CLCN7: variants seen among roughly 807,000 people sequenced by gnomAD.
CLCN7 encodes Cl-/H+ antiporter 7, also known as H(+)/Cl(-) exchange transporter 7.
CLCN7 carries 60 observed loss-of-function variants against 102.1 expected under a neutral mutation model. That is an observed-to-expected ratio of 0.59 (90% CI 0.48 to 0.73). The LOEUF is 0.73. Among genes scored for constraint, CLCN7 ranks in the 30% least tolerant of loss-of-function variants. The pLI is 0.00. For missense variants in CLCN7, 962 were observed against 1,125.7 expected (o/e 0.85, Z 2.08); for synonymous variants, 560 against 490.5 (o/e 1.14, Z -1.87).
At chr16:1,463,009 T>C (rs1191537180) in intron 2 of CLCN7, among the ~76,000 whole-genome samples, 1 of 151,980 alleles carries the variant, frequency 6.6e-6, no homozygotes, top group East Asian at 1.9e-4. Flanking sequence ...AAATATTAGC[T>C]GAGTATGGTG....
rs1450391532 is a variant in CLCN7 at position 1,459,463 on chromosome 16, C to A, written c.595-276G>T. ...CATCAGGGAAGGGGAGAGCAGCACACGCGTCGGGGCCTCAGGGAAGGGGAG... is the reference window on the plus strand; with the variant it reads ...CATCAGGGAAGGGGAGAGCAGCACAAGCGTCGGGGCCTCAGGGAAGGGGAG... On this transcript the variant is annotated intron_variant, in intron 6 of 24. Coordinates refer to ENST00000382745, the MANE Select transcript of CLCN7 (RefSeq NM_001287.6). 7.1e-6 allele frequency: 3 copies of A among 422,796 alleles called. 1 individual carries two copies. Among genetic ancestry groups the A allele is most frequent in the Non-Finnish European group, 1.3e-5 (3 of 230,492 alleles). The allele number at this position is 422,796 out of a possible 1,614,324, so 26.2% of individuals were successfully genotyped here.
At position 1,460,509 on chromosome 16, in the gene CLCN7, T is replaced by A. The variant is rs756849986; in HGVS notation, c.503A>T (p.Glu168Val). 8 of 1,613,396 alleles carry A rather than the reference T, an allele frequency of 5.0e-6. No homozygotes were observed. The highest frequency in any genetic ancestry group is 1.6e-4 in the Middle Eastern group (1 of 6,082). Residue 168 changes from glutamate to valine, a missense_variant, in exon 6 of 25, where the codon GAG becomes GTG. Coordinates refer to ENST00000382745, the MANE Select transcript of CLCN7 (RefSeq NM_001287.6). ...VIKGNIDKFT[E>V]KGGLSFSLLL... The stretch of plus-strand genomic sequence containing the variant: ...CAGGGAGAAGGACAGTCCGCCCTTC[T>A]CTGTGAACTTGTCGATATCTGGGGC...
At chr16:1,465,210 A>G in intron 2 of CLCN7, 57 bp downstream of exon 2, 2 of 1,544,418 alleles carry the variant, frequency 1.3e-6, no homozygotes, top group Non-Finnish European at 1.8e-6. Flanking sequence ...CATCCCTGTC[A>G]CCCTCTGCTA....
At chr16:1,454,303 T>C in intron 13 of CLCN7, 108 bp downstream of exon 13, 2 of 1,182,054 alleles carry the variant, frequency 1.7e-6, no homozygotes, top group Non-Finnish European at 2.5e-6. Context: ...GGCCCTGGGA[T>C]GAGGGCAGGC....
intron 2 of CLCN7, among the ~76,000 whole-genome samples, chr16:1,463,697 T>A (rs1172930757): frequency 6.6e-6 from 1 of 151,798 alleles, no homozygotes; most frequent in Non-Finnish European, 1.5e-5. Flanking sequence ...TTGTCTAGGC[T>A]GATCTCCAAA....
At position 1,450,638 on chromosome 16, in the gene CLCN7, C is replaced by G; in HGVS notation, c.1476G>C (p.Leu492=). 6.2e-7 allele frequency: 1 copy of G among 1,612,382 alleles called. No individual in the cohort carries two copies. The highest frequency in any genetic ancestry group is 1.1e-5 in the South Asian group (1 of 90,936). The change falls in exon 17 of 25, where the codon CTG becomes CTC. Residue 492 remains leucine, a synonymous_variant. Coordinates refer to ENST00000382745, the MANE Select transcript of CLCN7 (RefSeq NM_001287.6). ...PGSYNPLTLG[L]FTLVYFFLAC... ...CCAGGAAGAAGTAGACCAGCGTGAA[C>G]AGGCCGAGGGTCAGGGGGTTGTAGG...
intron 2 of CLCN7, among the ~76,000 whole-genome samples, chr16:1,464,692 G>T (rs2038981137): frequency 6.6e-6 from 1 of 152,210 alleles, no homozygotes; most frequent in African/African-American, 2.4e-5. Flanking sequence ...CCGGGGTGTT[G>T]CCAACATCAG....
chr16:1,457,628 C>A lies in CLCN7; in HGVS notation c.738+66G>T, dbSNP rs116970554. 1.3e-6 allele frequency: 2 copies of A among 1,490,056 alleles called. No homozygotes were observed. The highest frequency in any genetic ancestry group is 1.1e-5 in the South Asian group (1 of 88,530). 92.3% of individuals were successfully genotyped at this position (1,490,056 alleles called of 1,614,324 possible). A position where few individuals can be genotyped will look rare whatever the true frequency, so the allele number is the denominator to read the frequency against. On this transcript the variant is annotated intron_variant, in intron 8 of 24. Coordinates refer to ENST00000382745, the MANE Select transcript of CLCN7 (RefSeq NM_001287.6). The surrounding 1 kb of genome is among the most constrained non-coding windows in gnomAD (Gnocchi z 5.4). ...ACCGGTGCTCAGAGACACACATGGG[C>A]GTGGCGGCCCTCGCGGGCCCGGCGG...
At chr16:1,450,180 G>A in intron 17 of CLCN7, 1 of 427,200 alleles carries the variant, frequency 2.3e-6, no homozygotes, top group Non-Finnish European at 4.4e-6. Flanking sequence ...ACCCCATGGA[G>A]TCTAGAAACA....
intron 1 of CLCN7, among the ~76,000 whole-genome samples, chr16:1,468,736 C>G (rs74586438): frequency 1.6e-5 from 2 of 127,996 alleles, no homozygotes; most frequent in Non-Finnish European, 3.5e-5. Context: ...CCTGCACCCC[C>G]TTCCTGGTGC....
In CLCN7 at chr16:1,474,977, C is replaced by A; in HGVS notation, c.-3G>T. On this transcript the variant is annotated 5_prime_UTR_variant, in exon 1 of 25. Transcript: ENST00000382745. Reference sequence around the variant, plus strand: ...ACCTTCTTAGAGACGTTGGCCATGGCCCGCCGCGGAGCGACACCGGCCGGG... The same window carrying A: ...ACCTTCTTAGAGACGTTGGCCATGGACCGCCGCGGAGCGACACCGGCCGGG... 2 of 1,479,344 alleles carry A rather than the reference C, an allele frequency of 1.4e-6. No individual in the cohort carries two copies. Among genetic ancestry groups the A allele is most frequent in the Non-Finnish European group, 1.8e-6 (2 of 1,118,216 alleles). The allele number at this position is 1,479,344 out of a possible 1,614,324, so 91.6% of individuals were successfully genotyped here.
rs192354404 is a variant in CLCN7, at chr16:1,451,135, G to T, written c.1448-469C>A. ...GAAAGGCCGGCACTCCAAGGTCGCG[G>T]TCTGCGCTTCCGTGAAACACTTGTG... On this transcript the variant is annotated intron_variant, in intron 16 of 24. Coordinates refer to ENST00000382745, the MANE Select transcript of CLCN7 (RefSeq NM_001287.6). Among the ~76,000 whole-genome samples, 486 of 152,384 alleles carry T rather than the reference G, an allele frequency of 3.2e-3. 8 individuals are homozygous for T. Among genetic ancestry groups the T allele is most frequent in the Admixed American group, 0.016 (238 of 15,312 alleles).
chr16:1,460,846 C>A lies in CLCN7; in HGVS notation c.454G>T (p.Ala152Ser). 6.2e-7 allele frequency: 1 copy of A among 1,614,080 alleles called. No homozygotes were observed. The highest frequency in any genetic ancestry group is 8.5e-7 in the Non-Finnish European group (1 of 1,179,966). Residue 152 changes from alanine to serine, a missense_variant, in exon 5 of 25, where the codon GCT becomes TCT. Ala to Ser is a moderately conservative substitution (Grantham distance 99, BLOSUM62 1). Transcript: ENST00000382745. ...TTGATGACCCTGTACTTGAGGCCAG[C>A]CAGGTTTTCCACCACGATGTCAATG... ...CFIDIVVENL[A>S]GLKYRVIKGN...
At chr16:1,461,808 G>C in intron 2 of CLCN7, 134 bp from the exon 3 acceptor site, 4 of 795,318 alleles carry the variant, frequency 5.0e-6, no homozygotes, top group Non-Finnish European at 8.6e-6. Context: ...CTGCACATGG[G>C]GCGCGGTGGC....
At chr16:1,474,664 C>T (rs938940113) in intron 1 of CLCN7, among the ~76,000 whole-genome samples, 170 bp downstream of exon 1, 1 of 152,006 alleles carries the variant, frequency 6.6e-6, no homozygotes, top group Non-Finnish European at 1.5e-5. Flanking sequence ...ACCCCAGGCG[C>T]CCCCGCCAGC....
chr16:1,447,273 C>CA (rs2038663526), intron 23 of CLCN7, 119 bp downstream of exon 23: 6 of 1,228,314 alleles, frequency 4.9e-6, no homozygotes, highest in Non-Finnish European at 6.8e-6. Flanking sequence ...TCACAGGAGA[C>CA]AGAGTCACCG....
Position 1,464,966 on chromosome 16 carries a change from G to GC in CLCN7, c.213+300dup, listed in dbSNP as rs71145426. Among the ~76,000 whole-genome samples, 55,495 of 151,652 alleles carry GC rather than the reference G, an allele frequency of 0.37. 11,337 individuals are homozygous for GC. The highest frequency in any genetic ancestry group is 0.45 in the Non-Finnish European group (30,422 of 67,810). ...TCTCACTCTCCTGGGGCTCCTCACT[G>GC]CCCCCCCAAGATCCCTGTCCTTGCC... On this transcript the variant is annotated intron_variant, in intron 2 of 24. Coordinates refer to ENST00000382745, the MANE Select transcript of CLCN7 (RefSeq NM_001287.6).
Position 1,452,883 on chromosome 16 carries a change from G to A in CLCN7, c.1225C>T (p.Arg409Trp), listed in dbSNP as rs1253129482. The change falls in exon 15 of 25, where the codon CGG becomes TGG. Residue 409 changes from arginine to tryptophan, a missense_variant. Arg to Trp is a moderately radical substitution (Grantham distance 101, BLOSUM62 -3). Transcript: ENST00000382745. ...GCCTCAATCACCTGCAGGCAGGGCC[G>A]GTGGATGTACCTGGAACCAAGAATC... ...LTMFRIRYIH[R>W]PCLQVIEAVL... 8.3e-6 allele frequency: 13 copies of A among 1,569,082 alleles called. No individual in the cohort carries two copies. Among genetic ancestry groups the A allele is most frequent in the South Asian group, 4.7e-5 (4 of 85,900 alleles).
rs753505918 is a variant in CLCN7 at position 1,447,524 on chromosome 16, C to T, written c.2118G>A (p.Leu706=). The change falls in exon 23 of 25, where the codon CTG becomes CTA. Residue 706 remains leucine (L), a synonymous_variant. Transcript: ENST00000382745. ...RSNLGLVQRR[L]RLKDFRDAYP... is the part of the protein sequence containing the mutation. ...AGGCGTCTCGGAAGTCCTTCAGCCT[C>T]AGGCGCCGCTGTACCAGGCCCAGGT... 107 of 1,555,510 alleles carry T rather than the reference C, an allele frequency of 6.9e-5. No homozygotes were observed. In the Admixed American group the frequency reaches 1.1e-3, roughly 16 times the overall value.
Sources: allele counts gnomAD v4.1 joint callset (sites outside exome capture counted in the v4.1 genomes callset), GRCh38; gene constraint gnomAD v4.1.1; non-coding constraint Gnocchi (gnomAD v3.1); transcripts MANE v1.5; gene names NCBI Gene and HGNC (gene_info 2026-07-23, HGNC 2026-07-21).